CDC42BPA: variants seen among roughly 807,000 people sequenced by gnomAD.
CDC42BPA encodes the protein serine/threonine-protein kinase MRCK alpha.
In CDC42BPA, 80 loss-of-function variants were observed where a neutral mutation model predicts 223.5. The ratio of observed to expected loss-of-function variants is 0.36; its 90% confidence interval spans 0.30 to 0.43. The LOEUF is 0.43. Ranked by LOEUF, CDC42BPA falls within the 20% of genes least tolerant of loss-of-function variation. The probability of loss-of-function intolerance (pLI) is 1.00; values close to 1 mark genes in which losing one functional copy is unlikely to be tolerated. For missense variants in CDC42BPA, 1,743 were observed against 2,099.9 expected (o/e 0.83, Z 3.32); for synonymous variants, 694 against 718.6 (o/e 0.97, Z 0.55).
Position 227,047,923 on chromosome 1 carries a change from G to A in CDC42BPA, c.3093+4C>T, listed in dbSNP as rs190923764. 5.6e-4 allele frequency: 875 copies of A among 1,575,700 alleles called. 1 individual carries two copies. Among genetic ancestry groups the A allele is most frequent in the Non-Finnish European group, 7.0e-4 (803 of 1,146,194 alleles). ...CACACTATGCTTATAACTAGATTGAGTACCTTAGGTGGAAAGCCAGTTGAA... is the reference window on the plus strand; with the variant it reads ...CACACTATGCTTATAACTAGATTGAATACCTTAGGTGGAAAGCCAGTTGAA... On this transcript the variant is annotated splice_donor_region_variant and intron_variant, in intron 23 of 36. Transcript: ENST00000366766.
At chr1:227,248,856 T>C (rs1328095813) in intron 2 of CDC42BPA, among the ~76,000 whole-genome samples, 1 of 152,198 alleles carries the variant, frequency 6.6e-6, no homozygotes, top group Non-Finnish European at 1.5e-5. Flanking sequence ...ATATCCATAT[T>C]GCCCAAAGCA....
chr1:227,034,724 A>C lies in CDC42BPA; in HGVS notation c.3407T>G (p.Phe1136Cys). ...ALAIVCDFKL[F>C]LYDIAEGKAS... is the part of the protein sequence containing the mutation. ...TTTTCCTTCAGCAATATCGTACAGA[A>C]AGAGTTTGAAGTCACACACTATAGC... is the stretch of plus-strand genomic sequence containing the variant. Residue 1136 changes from phenylalanine to cysteine, a missense_variant, in exon 26 of 37, where the codon TTT becomes TGT. Transcript: ENST00000366766. 6.2e-7 allele frequency: 1 copy of C among 1,613,870 alleles called. No homozygotes were observed. The highest frequency in any genetic ancestry group is 1.1e-5 in the South Asian group (1 of 91,052).
intron 35 of CDC42BPA, among the ~76,000 whole-genome samples, chr1:227,000,657 T>G (rs557230577): frequency 6.6e-6 from 1 of 152,316 alleles, no homozygotes; most frequent in East Asian, 1.9e-4. Context: ...ACACTGTGCT[T>G]CTGGTCTTTT....
chr1:227,106,716 CTGATCCAATTTGA>C (rs1255177239), intron 14 of CDC42BPA, among the ~76,000 whole-genome samples: 3 of 152,138 alleles, frequency 2.0e-5, no homozygotes, highest in Non-Finnish European at 2.9e-5. Context: ...ATTTCAGTTG[CTGATCCAATTTGA>C]GTTAATTTGT....
chr1:227,196,273 A>G (rs1670670514), intron 4 of CDC42BPA, among the ~76,000 whole-genome samples: 1 of 151,550 alleles, frequency 6.6e-6, no homozygotes, highest in African/African-American at 2.4e-5. Context: ...AGAGATTAAC[A>G]GTCAATCTTT....
At chr1:227,249,426 C>G (rs568168694) in intron 2 of CDC42BPA, among the ~76,000 whole-genome samples, 11 of 152,208 alleles carry the variant, frequency 7.2e-5, no homozygotes, top group African/African-American at 2.6e-4. Flanking sequence ...AATAAGATGA[C>G]ACGAAATTAA....
At chr1:227,036,651 G>T (rs1235994521) in intron 24 of CDC42BPA, among the ~76,000 whole-genome samples, 1 of 152,018 alleles carries the variant, frequency 6.6e-6, no homozygotes, top group Non-Finnish European at 1.5e-5. Context: ...GGATGGTCTC[G>T]ATCTCCTGAC....
At chr1:227,148,771 G>GAAAAAAAAAAAAAAAAAAAAAAAAAAA (rs1491285386) in intron 6 of CDC42BPA, among the ~76,000 whole-genome samples, 1 of 7,712 alleles carries the variant, frequency 1.3e-4, no homozygotes, top group Non-Finnish European at 1.9e-4. Context: ...GGTCTCAAAA[G>GAAAAAAAAAAAAAAAAAAAAAAAAAAA]CAAAAAAAAA....
chr1:227,088,872 C>G (rs935462570), intron 16 of CDC42BPA, among the ~76,000 whole-genome samples: 1 of 152,044 alleles, frequency 6.6e-6, no homozygotes, highest in African/African-American at 2.4e-5. Context: ...ACTACAGGCA[C>G]GTGCCACCGC....
chr1:227,231,662 T>A (rs191534941), intron 2 of CDC42BPA, among the ~76,000 whole-genome samples: 192 of 146,112 alleles, frequency 1.3e-3, no homozygotes, highest in African/African-American at 4.5e-3. Context: ...CTGATTTTTT[T>A]AATGATTGCC....
chr1:227,243,183 G>A (rs1435535200), intron 2 of CDC42BPA, among the ~76,000 whole-genome samples: 1 of 152,200 alleles, frequency 6.6e-6, no homozygotes, highest in African/African-American at 2.4e-5. Context: ...AGGACAGAGG[G>A]TGGGAGGAGG....
At chr1:227,217,816 C>A (rs751932740) in intron 2 of CDC42BPA, among the ~76,000 whole-genome samples, 5 of 152,132 alleles carry the variant, frequency 3.3e-5, no homozygotes, top group Non-Finnish European at 7.4e-5. Flanking sequence ...TCTAGCCCCA[C>A]GAAGCCACAC....
chr1:227,316,018 T>C (rs1264520616), intron 1 of CDC42BPA, among the ~76,000 whole-genome samples: 1 of 147,412 alleles, frequency 6.8e-6, no homozygotes, highest in Non-Finnish European at 1.5e-5. Context: ...AATAAAGTTT[T>C]ACTTGGGAAC....
chr1:227,316,527 A>C (rs1213356831), intron 1 of CDC42BPA, among the ~76,000 whole-genome samples: 1 of 152,224 alleles, frequency 6.6e-6, no homozygotes, highest in Non-Finnish European at 1.5e-5. Context: ...TGTAGAGATG[A>C]AATAAAACCC....
chr1:227,249,529 T>C (rs1681590411), intron 2 of CDC42BPA, among the ~76,000 whole-genome samples: 1 of 152,094 alleles, frequency 6.6e-6, no homozygotes, highest in African/African-American at 2.4e-5. Flanking sequence ...TGGGAGGAAA[T>C]ATTTGCAAAC....
chr1:227,178,563 T>G (rs1384241418), intron 5 of CDC42BPA: 1 of 153,898 alleles, frequency 6.5e-6, no homozygotes, highest in African/African-American at 2.4e-5. Context: ...TGGCATGATC[T>G]CGGCTCACCA....
At position 227,173,711 on chromosome 1, in the gene CDC42BPA, A is replaced by T. The variant is rs370825721; in HGVS notation, c.600-13075T>A. Among the ~76,000 whole-genome samples, 25 of 149,368 alleles carry T rather than the reference A, an allele frequency of 1.7e-4. 1 individual carries two copies. In the East Asian group the frequency reaches 4.3e-3, roughly 26 times the overall value. On this transcript the variant is annotated intron_variant, in intron 5 of 36. Coordinates refer to ENST00000366766, the MANE Select transcript of CDC42BPA (RefSeq NM_001394014.1). Reference sequence around the variant, plus strand: ...GAATGATGTAAGCTCCACATGTGGTATTTTTTTTTTAACTCTACCCTATAT... The same window carrying T: ...GAATGATGTAAGCTCCACATGTGGTTTTTTTTTTTTAACTCTACCCTATAT...
At chr1:227,133,808 C>T (rs1425090825) in intron 10 of CDC42BPA, among the ~76,000 whole-genome samples, 1 of 151,838 alleles carries the variant, frequency 6.6e-6, no homozygotes, top group East Asian at 1.9e-4. Flanking sequence ...TCTTAAGTAC[C>T]CAGGGACACA....
intron 5 of CDC42BPA, among the ~76,000 whole-genome samples, chr1:227,184,252 C>T (rs1668402018): frequency 6.6e-6 from 1 of 152,022 alleles, no homozygotes; most frequent in Non-Finnish European, 1.5e-5. Flanking sequence ...CTAAAAACTC[C>T]TTACCAAGCC....
Sources: allele counts gnomAD v4.1 joint callset (sites outside exome capture counted in the v4.1 genomes callset), GRCh38; gene constraint gnomAD v4.1.1; transcripts MANE v1.5; gene names NCBI Gene and HGNC (gene_info 2026-07-23, HGNC 2026-07-21).